CROT: variants seen among roughly 807,000 people sequenced by gnomAD.
The protein encoded by CROT is carnitine O-octanoyltransferase.
A neutral mutation model predicts 89.2 loss-of-function variants in CROT; 84 were observed. That is an observed-to-expected ratio of 0.94 (90% confidence interval 0.79 to 1.13). The LOEUF (loss-of-function observed/expected upper bound fraction) is 1.13, where lower values mean the gene tolerates loss of function less well. Among genes scored for constraint, CROT ranks in the 50% most tolerant of loss-of-function variants. The probability of loss-of-function intolerance (pLI) is 0.00; values close to 1 mark genes in which losing one functional copy is unlikely to be tolerated. For synonymous variants in CROT, 212 were observed against 239.5 expected, an observed-to-expected ratio of 0.89 and a Z score of 1.06; for missense variants, 711 against 727.8, an observed-to-expected ratio of 0.98 and a Z score of 0.27.
At chr7:87,380,481 T>A (rs901788641) in intron 10 of CROT, among the ~76,000 whole-genome samples, 1 of 72,708 alleles carries the variant, frequency 1.4e-5, no homozygotes, top group Non-Finnish European at 3.7e-5. Context: ...ATGAGGCAGT[T>A]TAATTAGAAA....
At chr7:87,345,874 G>C (rs1461306820) in intron 1 of CROT, 107 bp downstream of exon 1, 1 of 159,182 alleles carries the variant, frequency 6.3e-6, no homozygotes, top group Non-Finnish European at 1.3e-5. Flanking sequence ...TGGGGGAGTA[G>C]TGTCATCAAG....
chr7:87,358,629 A>AG (rs1302861739), intron 3 of CROT, among the ~76,000 whole-genome samples: 2 of 151,718 alleles, frequency 1.3e-5, no homozygotes, highest in Admixed American at 6.6e-5. Flanking sequence ...GATAAGGAAG[A>AG]GAAAAATATA....
At chr7:87,362,592 G>A (rs905921131) in intron 6 of CROT, among the ~76,000 whole-genome samples, 3 of 151,832 alleles carry the variant, frequency 2.0e-5, no homozygotes, top group Non-Finnish European at 4.4e-5. Context: ...CACCATGCCC[G>A]GCTTGGAGTC....
intron 10 of CROT, among the ~76,000 whole-genome samples, chr7:87,379,339 T>C (rs1806916418): frequency 2.0e-5 from 3 of 152,226 alleles, no homozygotes; most frequent in African/African-American, 7.2e-5. Flanking sequence ...GCTATACTTT[T>C]CTAGCTTTTA....
At chr7:87,359,436 ATTG>A in intron 4 of CROT, 106 bp downstream of exon 4, 1 of 1,464,924 alleles carries the variant, frequency 6.8e-7, no homozygotes, top group Non-Finnish European at 9.0e-7. Flanking sequence ...TACAGTTATT[ATTG>A]TTATTTTCAT....
At chr7:87,357,790 C>G (rs2115824226) in intron 3 of CROT, among the ~76,000 whole-genome samples, 1 of 152,154 alleles carries the variant, frequency 6.6e-6, no homozygotes, top group East Asian at 1.9e-4. Flanking sequence ...ATTTATTATT[C>G]TATTGATTTA....
rs766315713 is a variant in CROT at position 87,361,821 on chromosome 7, TAG to T, written c.520_521del (p.Asp174LeufsTer7). On this transcript the variant is annotated frameshift_variant, in exon 6 of 18. Transcript: ENST00000331536. LOFTEE classifies it high-confidence loss of function. ...FSTCKVPGIT[R>X]DSIMNYFRTE... ...CTACCTGCAAGGTTCCAGGAATTACTAGAGACTCCATTATGAATTATTTTAGG... is the reference window on the plus strand; with the variant it reads ...CTACCTGCAAGGTTCCAGGAATTACTAGACTCCATTATGAATTATTTTAGG... The T allele has an allele frequency of 3.7e-6, 6 of 1,605,088 alleles. No homozygotes were observed. The South Asian group carries it at 5.6e-5, about 15-fold the overall frequency.
Position 87,392,566 on chromosome 7 carries a change from C to G in CROT, c.1426C>G (p.Leu476Val), listed in dbSNP as rs1807397919. 1 of 1,612,210 alleles carries G rather than the reference C, an allele frequency of 6.2e-7. No homozygotes were observed. The highest frequency in any genetic ancestry group is 1.3e-5 in the African/African-American group (1 of 74,832). The change falls in exon 15 of 18, where the codon CTT (leucine) becomes GTT (valine). Residue 476 changes from leucine to valine, a missense_variant and splice_region_variant. Transcript: ENST00000331536. ...CQSMQDPSVN[L>V]RERQQKMLQA... ...AAGTGTCTCTCGATTTTTAATACAGCTTCGTGAGCGGCAGCAAAAGATGTT... is the reference window on the plus strand; with the variant it reads ...AAGTGTCTCTCGATTTTTAATACAGGTTCGTGAGCGGCAGCAAAAGATGTT...
At chr7:87,366,895 G>A (rs60509911) in intron 6 of CROT, among the ~76,000 whole-genome samples, 18,908 of 152,140 alleles carry the variant, frequency 0.12, 1,599 homozygotes, top group African/African-American at 0.24. Flanking sequence ...CCAGCACTAC[G>A]GTGCTATCTT....
Position 87,375,703 on chromosome 7 carries a change from A to G in CROT, c.728A>G (p.Glu243Gly), listed in dbSNP as rs760636537. 1 of 1,613,632 alleles carries G rather than the reference A, an allele frequency of 6.2e-7. No homozygotes were observed. The highest frequency in any genetic ancestry group is 1.7e-5 in the Admixed American group (1 of 59,980). Residue 243 changes from glutamate to glycine, a missense_variant, in exon 8 of 18, where the codon GAG (glutamate) becomes GGG (glycine). Physicochemically the swap from Glu to Gly is moderately conservative, Grantham distance 98. Transcript: ENST00000331536. Reference sequence around the variant, plus strand: ...CCTGGGATTGCAGCATTAACTAGTGAGGAGCGAACTCGATGGGCTAAGGTT... The same window carrying G: ...CCTGGGATTGCAGCATTAACTAGTGGGGAGCGAACTCGATGGGCTAAGGTT... ...DGPGIAALTS[E>G]ERTRWAKARE...
intron 10 of CROT, among the ~76,000 whole-genome samples, chr7:87,377,780 A>T (rs1337116660): frequency 6.6e-6 from 1 of 152,162 alleles, no homozygotes; most frequent in Admixed American, 6.6e-5. Flanking sequence ...TATGTGTTCT[A>T]TGCAGAGCAA....
At chr7:87,347,074 A>G (rs922232130) in intron 2 of CROT, among the ~76,000 whole-genome samples, 1 of 152,228 alleles carries the variant, frequency 6.6e-6, no homozygotes, top group Non-Finnish European at 1.5e-5. Context: ...CAAAGACACC[A>G]CAAATCCTTC....
At chr7:87,348,946 T>C in intron 2 of CROT, 102 bp from the exon 3 acceptor site, 1 of 506,204 alleles carries the variant, frequency 2.0e-6, no homozygotes, top group East Asian at 3.1e-5. Context: ...CTAGATATGC[T>C]GTGGTCCCTA....
At chr7:87,392,904 G>C (rs763210454) in intron 16 of CROT, 44 bp from the exon 17 acceptor site, 1 of 1,611,078 alleles carries the variant, frequency 6.2e-7, no homozygotes. Context: ...AACAATATAA[G>C]CATCTGTAGG....
At position 87,359,198 on chromosome 7, in the gene CROT, C is replaced by T. The variant is rs1468101262; in HGVS notation, c.116-8C>T. ...CTAAATACCTTAATACGTATTTTTC[C>T]TTTCTAGTGAAACCATTTGCAAATC... On this transcript the variant is annotated splice_polypyrimidine_tract_variant and splice_region_variant and intron_variant, in intron 3 of 17. Transcript: ENST00000331536. 6.5e-7 allele frequency: 1 copy of T among 1,546,026 alleles called. No homozygotes were observed. The highest frequency in any genetic ancestry group is 8.9e-7 in the Non-Finnish European group (1 of 1,124,206).
rs1271225107 is a variant in CROT at position 87,346,414 on chromosome 7, ATCT to A, written c.-33_-31del. 3.3e-5 allele frequency: 5 copies of A among 152,148 alleles called. No homozygotes were observed. The highest frequency in any genetic ancestry group is 1.5e-5 in the Non-Finnish European group (1 of 68,034). 9.4% of individuals were successfully genotyped at this position (152,148 alleles called of 1,614,324 possible). A position where few individuals can be genotyped will look rare whatever the true frequency, so the allele number is the denominator to read the frequency against. On this transcript the variant is annotated 5_prime_UTR_variant, in exon 2 of 18. Transcript: ENST00000331536. The stretch of plus-strand genomic sequence containing the variant: ...GGCTCCTGGCAGTCTCAAGCAGTTC[ATCT>A]TCTTGGTGTACTGGTATGTGACAAT...
rs749967843 is a variant in CROT, at chr7:87,391,574, A to C, written c.1302-15A>C. The C allele has an allele frequency of 3.8e-6, 6 of 1,583,514 alleles. No individual in the cohort carries two copies. In the African/African-American group the frequency reaches 8.3e-5, roughly 22 times the overall value. On this transcript the variant is annotated splice_polypyrimidine_tract_variant and intron_variant, in intron 13 of 17. Coordinates refer to ENST00000331536, the MANE Select transcript of CROT (RefSeq NM_021151.4). Reference sequence around the variant, plus strand: ...TTTCTTTCTTATGATACACTCTTTTAATTTTTTCTTGTAGCCCTGGTTGTT... The same window carrying C: ...TTTCTTTCTTATGATACACTCTTTTCATTTTTTCTTGTAGCCCTGGTTGTT...
intron 4 of CROT, chr7:87,359,575 G>T (rs1484707949): frequency 4.8e-6 from 6 of 1,238,484 alleles, no homozygotes; most frequent in African/African-American, 1.6e-5. Flanking sequence ...GAGGCCCAGA[G>T]ATTCTTATTT....
chr7:87,398,933 T>A lies in CROT; in HGVS notation c.*289T>A, dbSNP rs1206138611. Reference sequence around the variant, plus strand: ...CTCAACAATCCAAATCTACAAACTTTAACAATGCAAGTCTTACTCTAATTT... The same window carrying A: ...CTCAACAATCCAAATCTACAAACTTAAACAATGCAAGTCTTACTCTAATTT... On this transcript the variant is annotated 3_prime_UTR_variant, in exon 18 of 18. Coordinates refer to ENST00000331536, the MANE Select transcript of CROT (RefSeq NM_021151.4). The A allele has an allele frequency of 3.3e-6, 1 of 303,104 alleles. No homozygotes were observed. The allele number at this position is 303,104 out of a possible 1,614,324, so 18.8% of individuals were successfully genotyped here.
Sources: allele counts gnomAD v4.1 joint callset (sites outside exome capture counted in the v4.1 genomes callset), GRCh38; gene constraint gnomAD v4.1.1; transcripts MANE v1.5; gene names NCBI Gene and HGNC (gene_info 2026-07-23, HGNC 2026-07-21).